NRXN3: variants seen among roughly 807,000 people sequenced by gnomAD.
NRXN3 encodes neurexin 3, also known as neurexin III.
Under a neutral mutation model 137.6 loss-of-function variants are expected in NRXN3, and 32 were observed. The ratio of observed to expected loss-of-function variants is 0.23; its 90% confidence interval spans 0.18 to 0.31. The LOEUF (loss-of-function observed/expected upper bound fraction) is 0.31. Ranked by LOEUF, NRXN3 falls within the 10% of genes least tolerant of loss-of-function variation. The pLI, the probability that NRXN3 is intolerant of heterozygous loss-of-function variation, is 1.00. For synonymous variants in NRXN3, 798 were observed against 784.5 expected (o/e 1.02, Z -0.29); for missense variants, 1,574 against 2,062.5 (o/e 0.76, Z 4.59).
chr14:79,232,268 G>A (rs564243311), intron 15 of NRXN3, among the ~76,000 whole-genome samples: 13 of 152,038 alleles, frequency 8.6e-5, no homozygotes, highest in Non-Finnish European at 1.5e-4. Context: ...GCACGTGTGT[G>A]TGTGTGTATG....
At chr14:79,706,425 T>C (rs2098779523) in intron 19 of NRXN3, among the ~76,000 whole-genome samples, 1 of 149,080 alleles carries the variant, frequency 6.7e-6, no homozygotes, top group African/African-American at 2.4e-5. Flanking sequence ...TTTACTTTTT[T>C]TTTTTTTTTT....
chr14:79,170,630 G>A (rs1276740497), intron 15 of NRXN3, among the ~76,000 whole-genome samples: 1 of 151,944 alleles, frequency 6.6e-6, no homozygotes, highest in Non-Finnish European at 1.5e-5. Context: ...GTTGTTGTTG[G>A]GGCAGGCTTC....
At chr14:78,706,494 G>T (rs1439701023) in intron 6 of NRXN3, among the ~76,000 whole-genome samples, 1 of 152,138 alleles carries the variant, frequency 6.6e-6, no homozygotes, top group Admixed American at 6.5e-5. Flanking sequence ...GTGGGGCCTG[G>T]TTCTGAGCAT....
At chr14:78,744,235 G>A (rs1051443779) in intron 8 of NRXN3, among the ~76,000 whole-genome samples, 3 of 152,070 alleles carry the variant, frequency 2.0e-5, no homozygotes, top group African/African-American at 4.8e-5. Context: ...TCCGCCTCCC[G>A]GGTTCAAGGA....
At chr14:78,519,613 G>T (rs1275612291) in intron 4 of NRXN3, among the ~76,000 whole-genome samples, 2 of 152,120 alleles carry the variant, frequency 1.3e-5, no homozygotes, top group Non-Finnish European at 2.9e-5. Context: ...ATTTGTAGAG[G>T]TGAATAATAA....
intron 16 of NRXN3, among the ~76,000 whole-genome samples, chr14:79,525,271 AT>A (rs1243580157): frequency 4.6e-5 from 7 of 152,110 alleles, no homozygotes; most frequent in Non-Finnish European, 1.5e-5. Flanking sequence ...TTCCAGGTAT[AT>A]TTTTTAAAGA....
At chr14:78,730,207 G>A (rs1265846402) in intron 8 of NRXN3, among the ~76,000 whole-genome samples, 4 of 152,176 alleles carry the variant, frequency 2.6e-5, no homozygotes, top group African/African-American at 4.8e-5. Context: ...GGAATAGAGC[G>A]AGAAGCAGGC....
At chr14:78,262,693 A>C (rs765324537) in intron 2 of NRXN3, among the ~76,000 whole-genome samples, 1 of 152,098 alleles carries the variant, frequency 6.6e-6, no homozygotes, top group Non-Finnish European at 1.5e-5. Flanking sequence ...TGTTGTCTTG[A>C]TAGATCTCTG....
At chr14:78,807,767 AAAAG>A (rs2098885090) in intron 9 of NRXN3, among the ~76,000 whole-genome samples, 8 of 43,708 alleles carry the variant, frequency 1.8e-4, no homozygotes, top group African/African-American at 2.4e-4. Flanking sequence ...AAAGAAAAGA[AAAAG>A]AAAGAGAAAG....
At chr14:79,624,474 T>C (rs1198802294) in intron 16 of NRXN3, among the ~76,000 whole-genome samples, 2 of 152,124 alleles carry the variant, frequency 1.3e-5, no homozygotes, top group Non-Finnish European at 2.9e-5. Flanking sequence ...GTGAAATTAC[T>C]AGTAGAGTCA....
intron 15 of NRXN3, among the ~76,000 whole-genome samples, chr14:79,345,446 G>T (rs1483347866): frequency 6.6e-6 from 1 of 152,056 alleles, no homozygotes; most frequent in Admixed American, 6.6e-5. Flanking sequence ...CCTGTCCTCG[G>T]GGTGTTTATG....
At chr14:78,590,879 C>T (rs976290603) in intron 4 of NRXN3, among the ~76,000 whole-genome samples, 8 of 152,084 alleles carry the variant, frequency 5.3e-5, no homozygotes, top group Admixed American at 5.2e-4. Flanking sequence ...GCCAGGGAGA[C>T]AGAAGGAGAC....
At chr14:78,625,047 G>A (rs1216237788) in intron 4 of NRXN3, among the ~76,000 whole-genome samples, 2 of 152,024 alleles carry the variant, frequency 1.3e-5, no homozygotes, top group Non-Finnish European at 2.9e-5. Flanking sequence ...TCACCTTATT[G>A]GTCAGGCTGG....
At chr14:79,563,609 G>A (rs1224207061) in intron 16 of NRXN3, among the ~76,000 whole-genome samples, 1 of 151,068 alleles carries the variant, frequency 6.6e-6, no homozygotes, top group Non-Finnish European at 1.5e-5. Context: ...TCAAAATTTG[G>A]TCTCGTTAAA....
chr14:79,314,429 C>T (rs1464025497), intron 15 of NRXN3, among the ~76,000 whole-genome samples: 3 of 27,458 alleles, frequency 1.1e-4, no homozygotes, highest in Non-Finnish European at 1.5e-4. Context: ...CACGGAATCT[C>T]GCTGATTGCT....
At chr14:79,010,987 A>G (rs902528091) in intron 15 of NRXN3, among the ~76,000 whole-genome samples, 2 of 152,178 alleles carry the variant, frequency 1.3e-5, no homozygotes, top group Non-Finnish European at 2.9e-5. Flanking sequence ...AGTCCAGAGA[A>G]CGTCTAGATG....
chr14:78,958,691 A>G (rs2099402102), intron 11 of NRXN3, among the ~76,000 whole-genome samples: 1 of 152,174 alleles, frequency 6.6e-6, no homozygotes, highest in African/African-American at 2.4e-5. Context: ...CCTCTCTGAT[A>G]TTCTAGAGCA....
At chr14:78,506,069 A>G (rs1405249371) in intron 4 of NRXN3, among the ~76,000 whole-genome samples, 1 of 152,192 alleles carries the variant, frequency 6.6e-6, no homozygotes, top group Non-Finnish European at 1.5e-5. Context: ...AATGTTGTAT[A>G]GCAGATCTCT....
chr14:79,257,580 ATGGTAATGATGGTGGTGGTGG>A (rs2076949714), intron 15 of NRXN3, among the ~76,000 whole-genome samples: 1 of 32,650 alleles, frequency 3.1e-5, no homozygotes, highest in Admixed American at 3.0e-4. Context: ...GGTGGTGGTG[ATGGTAATGATGGTGGTGGTGG>A]TGGTGGTGGT....
Sources: allele counts gnomAD v4.1 joint callset (sites outside exome capture counted in the v4.1 genomes callset), GRCh38; gene constraint gnomAD v4.1.1; transcripts MANE v1.5; gene names NCBI Gene and HGNC (gene_info 2026-07-23, HGNC 2026-07-21).